OXCT1: variants seen among roughly 807,000 people sequenced by gnomAD.
OXCT1 encodes succinyl-CoA:3-ketoacid coenzyme A transferase 1, mitochondrial.
In OXCT1, 27 loss-of-function variants were observed where a neutral mutation model predicts 69.6. The observed-to-expected ratio is 0.39, with a 90% confidence interval of 0.29 to 0.54. OXCT1 has a LOEUF of 0.54. Among genes scored for constraint, OXCT1 ranks in the 20% least tolerant of loss-of-function variants. The pLI is 0.72. For synonymous variants in OXCT1, 202 were observed against 217.8 expected, an observed-to-expected ratio of 0.93 and a Z score of 0.64; for missense variants, 437 against 650.2, an observed-to-expected ratio of 0.67 and a Z score of 3.57.
At chr5:41,803,244 A>G in intron 9 of OXCT1, 81 bp from the exon 10 acceptor site, 1 of 907,604 alleles carries the variant, frequency 1.1e-6, no homozygotes, top group Non-Finnish European at 1.8e-6. Context: ...ACAGATCTGA[A>G]CAGAAGCTTT....
chr5:41,779,377 C>T (rs531677873), intron 13 of OXCT1, among the ~76,000 whole-genome samples: 5 of 152,180 alleles, frequency 3.3e-5, no homozygotes, highest in Admixed American at 3.3e-4. Context: ...ATTGAGTTTG[C>T]CAGTTATACT....
Position 41,806,485 on chromosome 5 carries a change from G to A in OXCT1, c.841-804C>T, listed in dbSNP as rs62360555. On this transcript the variant is annotated intron_variant, in intron 8 of 16. Transcript: ENST00000196371. ...ATGTACTTTCCAATGTTGGAGATGC[G>A]GCCTAGTGGGAAGTGTTGGATCATG... Among the ~76,000 whole-genome samples, 21 of 152,150 alleles carry A rather than the reference G, an allele frequency of 1.4e-4. No individual in the cohort carries two copies. The South Asian group carries it at 2.9e-3, about 21-fold the overall frequency.
chr5:41,794,827 T>A, intron 11 of OXCT1, 78 bp from the exon 12 acceptor site: 2 of 1,480,548 alleles, frequency 1.4e-6, no homozygotes, highest in African/African-American at 2.8e-5. Flanking sequence ...GGTCCACATC[T>A]TCTCCATTCC....
Position 41,794,042 on chromosome 5 carries a change from C to T in OXCT1, c.1209G>A (p.Gln403=), listed in dbSNP as rs1421673129. 1.9e-6 allele frequency: 3 copies of T among 1,613,306 alleles called. No individual in the cohort carries two copies. Among genetic ancestry groups the T allele is most frequent in the Non-Finnish European group, 2.5e-6 (3 of 1,179,328 alleles). The part of the protein sequence containing the change: ...HVDLTMLGAM[Q]VSKYGDLANW... ...TAGCCAGGTCACCATATTTGGAAAC[C>T]TGCATCGCTCCTAGCATTGTCAGAT... is the stretch of plus-strand genomic sequence containing the variant. Residue 403 remains glutamine (Q), a synonymous_variant, in exon 13 of 17, where the codon CAG becomes CAA. Coordinates refer to ENST00000196371, the MANE Select transcript of OXCT1 (RefSeq NM_000436.4).
At chr5:41,739,947 T>G (rs1382360138) in intron 15 of OXCT1, among the ~76,000 whole-genome samples, 1 of 151,404 alleles carries the variant, frequency 6.6e-6, no homozygotes, top group African/African-American at 2.4e-5. Flanking sequence ...ACTGTAACTA[T>G]GATATTTTGG....
chr5:41,805,380 C>G (rs931140945), intron 9 of OXCT1, among the ~76,000 whole-genome samples, 187 bp downstream of exon 9: 7 of 150,986 alleles, frequency 4.6e-5, no homozygotes, highest in African/African-American at 7.3e-5. Context: ...AAAGAGATAT[C>G]TGTCATGTAT....
intron 13 of OXCT1, among the ~76,000 whole-genome samples, chr5:41,774,692 G>C (rs563814707): frequency 1.7e-4 from 26 of 152,170 alleles, no homozygotes; most frequent in African/African-American, 6.3e-4. Context: ...TCAGGAGATC[G>C]AGAGCATCCT....
chr5:41,861,142 A>C (rs1749713122), intron 3 of OXCT1, among the ~76,000 whole-genome samples, 172 bp downstream of exon 3: 2 of 152,160 alleles, frequency 1.3e-5, no homozygotes, highest in Middle Eastern at 6.8e-3. Context: ...TGGTACCAAA[A>C]ACATTTGGAT....
chr5:41,832,310 C>T (rs1211526557), intron 7 of OXCT1, among the ~76,000 whole-genome samples: 1 of 151,362 alleles, frequency 6.6e-6, no homozygotes, highest in East Asian at 1.9e-4. Context: ...ATCACCACAC[C>T]CCCAGTTCCA....
chr5:41,797,536 T>C (rs147499068), intron 11 of OXCT1, among the ~76,000 whole-genome samples: 16 of 152,334 alleles, frequency 1.1e-4, no homozygotes, highest in Non-Finnish European at 2.2e-4. Flanking sequence ...TATTTGGCTA[T>C]TCCTGATTGA....
intron 6 of OXCT1, 81 bp downstream of exon 6, chr5:41,842,594 A>T: frequency 1.0e-6 from 1 of 999,624 alleles, no homozygotes; most frequent in South Asian, 1.3e-5. Context: ...ACGAAAATAC[A>T]TTTTTAAATT....
At chr5:41,833,689 C>T (rs1004525714) in intron 7 of OXCT1, among the ~76,000 whole-genome samples, 1 of 152,080 alleles carries the variant, frequency 6.6e-6, no homozygotes, top group African/African-American at 2.4e-5. Flanking sequence ...ATTAGAATAA[C>T]TACAATAACT....
At chr5:41,831,993 G>A (rs1161276523) in intron 7 of OXCT1, among the ~76,000 whole-genome samples, 1 of 152,120 alleles carries the variant, frequency 6.6e-6, no homozygotes, top group Non-Finnish European at 1.5e-5. Flanking sequence ...GGAGCAAGAT[G>A]GTGGAATTGA....
In OXCT1 at chr5:41,762,057, T is replaced by G; in HGVS notation, c.1338+54A>C. 18 of 1,181,948 alleles carry G rather than the reference T, an allele frequency of 1.5e-5. No homozygotes were observed. Among genetic ancestry groups the G allele is most frequent in the Non-Finnish European group, 2.3e-5 (18 of 785,292 alleles). 73.2% of individuals were successfully genotyped at this position (1,181,948 alleles called of 1,614,324 possible). ...AGGTGACCTGGTGGTACACTGGGTT[T>G]TGATGTATTGCAAATTTCCAAAAGC... On this transcript the variant is annotated intron_variant, in intron 14 of 16. Coordinates refer to ENST00000196371, the MANE Select transcript of OXCT1 (RefSeq NM_000436.4). The surrounding 1 kb of genome is among the most constrained non-coding windows in gnomAD (Gnocchi z 4.0).
chr5:41,801,336 G>A (rs1485302466), intron 10 of OXCT1, among the ~76,000 whole-genome samples: 1 of 152,054 alleles, frequency 6.6e-6, no homozygotes, highest in African/African-American at 2.4e-5. Flanking sequence ...AGAAATACAA[G>A]TCCATAAAAC....
At chr5:41,754,281 C>T (rs1261617365) in intron 14 of OXCT1, among the ~76,000 whole-genome samples, 1 of 152,060 alleles carries the variant, frequency 6.6e-6, no homozygotes, top group Non-Finnish European at 1.5e-5. Flanking sequence ...TGATTATCAA[C>T]ACCCTTGCTC....
intron 5 of OXCT1, chr5:41,843,436 CTGTGAATGT>C: frequency 2.5e-6 from 1 of 408,156 alleles, no homozygotes; most frequent in South Asian, 1.8e-5. Context: ...TCTCTTGCTA[CTGTGAATGT>C]TACATTTGCT....
intron 7 of OXCT1, among the ~76,000 whole-genome samples, chr5:41,826,784 G>C (rs940402280): frequency 2.0e-5 from 3 of 151,918 alleles, no homozygotes; most frequent in African/African-American, 7.3e-5. Context: ...TCCCCTCTAA[G>C]CACTACAATA....
At chr5:41,851,357 G>A (rs977889745) in intron 4 of OXCT1, among the ~76,000 whole-genome samples, 2 of 152,072 alleles carry the variant, frequency 1.3e-5, no homozygotes, top group African/African-American at 2.4e-5. Flanking sequence ...TCTAGCCAAC[G>A]GAAAGAGATG....
Sources: allele counts gnomAD v4.1 joint callset (sites outside exome capture counted in the v4.1 genomes callset), GRCh38; gene constraint gnomAD v4.1.1; non-coding constraint Gnocchi (gnomAD v3.1); transcripts MANE v1.5; gene names NCBI Gene and HGNC (gene_info 2026-07-23, HGNC 2026-07-21).